IFT88: variants seen among roughly 807,000 people sequenced by gnomAD.
The protein encoded by IFT88 is intraflagellar transport protein 88 homolog.
In IFT88, 74 loss-of-function variants were observed where a neutral mutation model predicts 119.5. The ratio of observed to expected loss-of-function variants is 0.62; its 90% CI spans 0.51 to 0.75. IFT88 has a LOEUF of 0.75. Among genes scored for constraint, IFT88 ranks in the 30% least tolerant of loss-of-function variants. IFT88 has a pLI of 0.00. For missense variants in IFT88, 961 were observed against 977.7 expected (o/e 0.98, Z 0.23); for synonymous variants, 279 against 316.7 (o/e 0.88, Z 1.26).
intron 2 of IFT88, among the ~76,000 whole-genome samples, chr13:20,578,707 G>A (rs1297195702): frequency 6.6e-6 from 1 of 152,026 alleles, no homozygotes. Flanking sequence ...GTGCCACCAC[G>A]CCCGGCTAAT....
At chr13:20,658,436 A>AGT (rs1019128821) in intron 22 of IFT88, among the ~76,000 whole-genome samples, 2 of 152,182 alleles carry the variant, frequency 1.3e-5, no homozygotes, top group Non-Finnish European at 2.9e-5. Context: ...TTTCATTTAG[A>AGT]TTTACAGTGG....
chr13:20,614,960 C>T (rs2045347033), intron 13 of IFT88, among the ~76,000 whole-genome samples: 1 of 151,812 alleles, frequency 6.6e-6, no homozygotes, highest in South Asian at 2.1e-4. Context: ...GGACTACAGG[C>T]GCCTGCCGCC....
intron 16 of IFT88, among the ~76,000 whole-genome samples, chr13:20,633,910 G>C (rs2048605695): frequency 6.6e-6 from 1 of 152,168 alleles, no homozygotes; most frequent in Admixed American, 6.5e-5. Context: ...CCAGGTATAT[G>C]CTTACATTCT....
chr13:20,574,341 T>G (rs1467308839), intron 1 of IFT88, 39 bp from the exon 2 acceptor site: 1 of 1,165,756 alleles, frequency 8.6e-7, no homozygotes, highest in Non-Finnish European at 1.3e-6. Flanking sequence ...TATATATTTC[T>G]TATACCAAGA....
intron 14 of IFT88, among the ~76,000 whole-genome samples, chr13:20,623,452 A>G (rs545833380): frequency 4.6e-5 from 7 of 152,202 alleles, no homozygotes; most frequent in East Asian, 1.9e-4. Flanking sequence ...TAAACATGGG[A>G]CATGTTTCCA....
intron 17 of IFT88, among the ~76,000 whole-genome samples, chr13:20,638,787 A>G (rs2049415845): frequency 6.6e-6 from 1 of 152,236 alleles, no homozygotes; most frequent in African/African-American, 2.4e-5. Flanking sequence ...CTAATTTCCC[A>G]AATTTCTGCT....
intron 2 of IFT88, among the ~76,000 whole-genome samples, chr13:20,577,605 A>G (rs989438528): frequency 6.6e-6 from 1 of 152,170 alleles, no homozygotes; most frequent in Non-Finnish European, 1.5e-5. Flanking sequence ...GCATCAGTTG[A>G]AATGATCATG....
chr13:20,626,218 G>T (rs1454397533), intron 15 of IFT88, among the ~76,000 whole-genome samples: 2 of 151,570 alleles, frequency 1.3e-5, no homozygotes, highest in Non-Finnish European at 2.9e-5. Flanking sequence ...CCACCACCAT[G>T]CCTGGATAAT....
At chr13:20,670,904 A>G (rs2055726179) in intron 23 of IFT88, 69 bp from the exon 24 acceptor site, 1 of 1,345,498 alleles carries the variant, frequency 7.4e-7, no homozygotes, top group Non-Finnish European at 1.1e-6. Flanking sequence ...TTTAAAATCC[A>G]CCTTTATCTA....
At chr13:20,594,840 A>G (rs1050131645) in intron 7 of IFT88, among the ~76,000 whole-genome samples, 1 of 152,196 alleles carries the variant, frequency 6.6e-6, no homozygotes, top group South Asian at 2.1e-4. Flanking sequence ...ATATAATTTT[A>G]TAGAAAAAGT....
chr13:20,587,085 C>G (rs2039808531), intron 3 of IFT88, among the ~76,000 whole-genome samples: 1 of 152,118 alleles, frequency 6.6e-6, no homozygotes, highest in African/African-American at 2.4e-5. Flanking sequence ...AGATAGGGAA[C>G]ATAATCTGTA....
In IFT88 at chr13:20,611,934, A is replaced by G. The variant is rs180791842; in HGVS notation, c.1113-3859A>G. 7.5e-3 allele frequency among the ~76,000 whole-genome samples: 1,147 copies of G among 152,232 alleles called. 7 individuals are homozygous for G. Among genetic ancestry groups the G allele is most frequent in the Non-Finnish European group, 0.012 (811 of 68,022 alleles). ...TTTCACCAGTTCTGTTCATCATTGAACTGGAAGATTCTATCTTTGGCAGTT... is the reference window on the plus strand; with the variant it reads ...TTTCACCAGTTCTGTTCATCATTGAGCTGGAAGATTCTATCTTTGGCAGTT... On this transcript the variant is annotated intron_variant, in intron 13 of 25. Coordinates refer to ENST00000351808, the MANE Select transcript of IFT88 (RefSeq NM_006531.5).
chr13:20,646,047 C>T lies in IFT88; in HGVS notation c.1949+1089C>T, dbSNP rs1416350167. Among the ~76,000 whole-genome samples the T allele has an allele frequency of 2.6e-5, 4 of 152,282 alleles. No individual in the cohort carries two copies. The East Asian group carries it at 7.7e-4, about 29-fold the overall frequency. On this transcript the variant is annotated intron_variant, in intron 20 of 25. Coordinates refer to ENST00000351808, the MANE Select transcript of IFT88 (RefSeq NM_006531.5). Reference sequence around the variant, plus strand: ...ACATTAGCCATTAGCTCATGCAACACTCTTCCTTCTTTGAGGCTCAGTCCG... The same window carrying T: ...ACATTAGCCATTAGCTCATGCAACATTCTTCCTTCTTTGAGGCTCAGTCCG...
At chr13:20,603,567 G>A (rs866602010) in intron 12 of IFT88, among the ~76,000 whole-genome samples, 46 of 151,986 alleles carry the variant, frequency 3.0e-4, no homozygotes, top group African/African-American at 1.1e-3. Context: ...TTATAGGTGA[G>A]GATTAAATGA....
intron 5 of IFT88, among the ~76,000 whole-genome samples, chr13:20,591,410 A>G (rs2040649356): frequency 6.6e-6 from 1 of 152,212 alleles, no homozygotes; most frequent in African/African-American, 2.4e-5. Context: ...TTTTAAAACT[A>G]TAGCCCAATT....
chr13:20,665,935 A>G (rs2054602266), intron 23 of IFT88, among the ~76,000 whole-genome samples: 2 of 152,206 alleles, frequency 1.3e-5, no homozygotes, highest in Admixed American at 1.3e-4. Flanking sequence ...AGGTCTGAGG[A>G]CAGGAAGTTA....
intron 1 of IFT88, among the ~76,000 whole-genome samples, chr13:20,569,238 G>GCACGTACTTT (rs2035683740): frequency 7.3e-6 from 1 of 137,402 alleles, no homozygotes; most frequent in African/African-American, 2.5e-5. Context: ...GATACCAAAA[G>GCACGTACTTT]TACGTGCAAC....
intron 23 of IFT88, among the ~76,000 whole-genome samples, chr13:20,670,040 A>G (rs2055522888): frequency 6.6e-6 from 1 of 152,242 alleles, no homozygotes; most frequent in Non-Finnish European, 1.5e-5. Flanking sequence ...AACCACAGAC[A>G]ATAACTTTAT....
intron 13 of IFT88, among the ~76,000 whole-genome samples, chr13:20,610,646 T>A (rs1356029925): frequency 6.7e-6 from 1 of 150,184 alleles, no homozygotes; most frequent in African/African-American, 2.5e-5. Context: ...TTTATGAATG[T>A]AGAAGTACCC....
Sources: allele counts gnomAD v4.1 joint callset (sites outside exome capture counted in the v4.1 genomes callset), GRCh38; gene constraint gnomAD v4.1.1; transcripts MANE v1.5; gene names NCBI Gene and HGNC (gene_info 2026-07-23, HGNC 2026-07-21).